The following PCDHA11 variants were observed in gnomAD, a reference collection of about 807,000 sequenced individuals.
PCDHA11 encodes protocadherin alpha 11.
In PCDHA11, 61 loss-of-function variants were observed where a neutral mutation model predicts 70.3. That is an observed-to-expected ratio of 0.87 (90% CI 0.71 to 1.07). The LOEUF (loss-of-function observed/expected upper bound fraction) is 1.07, where lower values mean the gene tolerates loss of function less well. PCDHA11 is among the 50% of genes least tolerant of loss of function. The pLI is 0.00. For missense variants in PCDHA11, 1,324 were observed against 1,237.5 expected (o/e 1.07, Z -1.05); for synonymous variants, 633 against 555.1 (o/e 1.14, Z -1.97).
intron 3 of PCDHA11, among the ~76,000 whole-genome samples, chr5:140,987,107 G>A (rs936936352): frequency 6.6e-6 from 1 of 151,876 alleles, no homozygotes; most frequent in Non-Finnish European, 1.5e-5. Flanking sequence ...CCAGCTACTC[G>A]GGAGGCTGAG....
rs782446287 is a variant in PCDHA11 at position 140,870,927 on chromosome 5, T to C, written c.1824T>C (p.Tyr608=). The change falls in exon 1 of 4, where the codon TAT becomes TAC. Residue 608 remains tyrosine, a synonymous_variant. Transcript: ENST00000398640. ...CAGGCTACAACGCGTGGCTTTCATA[T>C]GAATTGCAGCCGGCGGCGGGCGGCT... The part of the protein sequence containing the change: ...ADSGYNAWLS[Y]ELQPAAGGSR... The C allele has an allele frequency of 1.9e-6, 3 of 1,613,880 alleles. No homozygotes were observed. Among genetic ancestry groups the C allele is most frequent in the Non-Finnish European group, 2.5e-6 (3 of 1,179,886 alleles).
chr5:140,928,280 C>A, intron 1 of PCDHA11: 1 of 1,614,194 alleles, frequency 6.2e-7, no homozygotes, highest in Non-Finnish European at 8.5e-7. Context: ...CCTGGGGCCT[C>A]TCTAGGCCGA....
intron 1 of PCDHA11, among the ~76,000 whole-genome samples, chr5:140,943,364 C>T (rs1463652865): frequency 6.6e-6 from 1 of 150,620 alleles, no homozygotes; most frequent in Non-Finnish European, 1.5e-5. Context: ...GAAAGGAGAT[C>T]ATTAAAATAT....
chr5:140,968,741 A>T, intron 1 of PCDHA11: 1 of 1,614,106 alleles, frequency 6.2e-7, no homozygotes, highest in Non-Finnish European at 8.5e-7. Context: ...TTTCAACCTG[A>T]CCGTGGTGGT....
In PCDHA11 at chr5:140,946,774, T is replaced by G. The variant is rs57013515; in HGVS notation, c.2392-32175T>G. On this transcript the variant is annotated intron_variant, in intron 1 of 3. Coordinates refer to ENST00000398640, the MANE Select transcript of PCDHA11 (RefSeq NM_018902.5). ...TGCATGATCTCATTCATGTGGAATGTAAAAAAGCTGATCTTATAGAAGCAG... is the reference window on the plus strand; with the variant it reads ...TGCATGATCTCATTCATGTGGAATGGAAAAAAGCTGATCTTATAGAAGCAG... Among the ~76,000 whole-genome samples, 481 of 151,404 alleles carry G rather than the reference T, an allele frequency of 3.2e-3. 2 individuals are homozygous for G. Among genetic ancestry groups the G allele is most frequent in the African/African-American group, 0.011 (462 of 41,264 alleles).
At chr5:140,960,064 T>G (rs1352718360) in intron 1 of PCDHA11, among the ~76,000 whole-genome samples, 1 of 152,208 alleles carries the variant, frequency 6.6e-6, no homozygotes, top group Admixed American at 6.5e-5. Flanking sequence ...TACAGAAGAT[T>G]CAATTGAAGT....
chr5:140,919,558 TAA>T (rs879969388), intron 1 of PCDHA11, among the ~76,000 whole-genome samples: 1 of 152,210 alleles, frequency 6.6e-6, no homozygotes, highest in Non-Finnish European at 1.5e-5. Flanking sequence ...TGATTTATAT[TAA>T]GTGAATATTT....
chr5:140,869,485 G>A lies in PCDHA11; in HGVS notation c.382G>A (p.Asp128Asn). 6.2e-7 allele frequency: 1 copy of A among 1,614,158 alleles called. No individual in the cohort carries two copies. The highest frequency in any genetic ancestry group is 8.5e-7 in the Non-Finnish European group (1 of 1,180,032). ...GAACGTGGAGGTGAAGGACATTAAC[G>A]ACAACCCGCCGGTGTTCTCGCTCAG... The part of the protein sequence containing the change: ...HVNVEVKDIN[D>N]NPPVFSLREQ... The change falls in exon 1 of 4, where the codon GAC becomes AAC. Residue 128 changes from aspartate to asparagine, a missense_variant. Asp to Asn is a conservative substitution (Grantham distance 23, BLOSUM62 1). Coordinates refer to ENST00000398640, the MANE Select transcript of PCDHA11 (RefSeq NM_018902.5).
intron 1 of PCDHA11, among the ~76,000 whole-genome samples, chr5:140,965,125 C>A (rs571083058): frequency 6.6e-6 from 1 of 152,308 alleles, no homozygotes; most frequent in Non-Finnish European, 1.5e-5. Context: ...GGAAGATCTA[C>A]AGATGACAGA....
At chr5:140,937,614 C>A (rs561420642) in intron 1 of PCDHA11, among the ~76,000 whole-genome samples, 1 of 149,010 alleles carries the variant, frequency 6.7e-6, no homozygotes, top group Non-Finnish European at 1.5e-5. Flanking sequence ...GATACTCCAT[C>A]TAAAAAGAAA....
At chr5:140,884,550 G>C (rs781916237) in intron 1 of PCDHA11, 2 of 1,614,118 alleles carry the variant, frequency 1.2e-6, no homozygotes, top group Non-Finnish European at 1.7e-6. Flanking sequence ...GTGTGCTCTG[G>C]GGAGGGCCCG....
At chr5:140,953,254 C>A (rs1483553184) in intron 1 of PCDHA11, among the ~76,000 whole-genome samples, 3 of 152,098 alleles carry the variant, frequency 2.0e-5, no homozygotes, top group Non-Finnish European at 2.9e-5. Flanking sequence ...CAGTTTAGTT[C>A]TTTTAGCTTT....
At chr5:140,965,109 C>T (rs940351305) in intron 1 of PCDHA11, among the ~76,000 whole-genome samples, 3 of 152,168 alleles carry the variant, frequency 2.0e-5, no homozygotes, top group African/African-American at 7.2e-5. Context: ...GAAAATGACC[C>T]ATAGAGGAAG....
intron 1 of PCDHA11, among the ~76,000 whole-genome samples, chr5:140,977,388 T>C (rs1187960215): frequency 6.6e-6 from 1 of 152,248 alleles, no homozygotes; most frequent in East Asian, 1.9e-4. Flanking sequence ...TCCAGGTTTA[T>C]AAAATGATTT....
intron 1 of PCDHA11, among the ~76,000 whole-genome samples, chr5:140,961,393 G>C (rs1224822152): frequency 6.6e-6 from 1 of 152,104 alleles, no homozygotes; most frequent in African/African-American, 2.4e-5. Context: ...TATTCCATTA[G>C]TAAACACTTT....
Position 140,885,608 on chromosome 5 carries a change from A to T in PCDHA11, c.2391+14114A>T, listed in dbSNP as rs1163790004. Among the ~76,000 whole-genome samples the T allele has an allele frequency of 2.0e-5, 3 of 152,192 alleles. No homozygotes were observed. In the East Asian group the frequency reaches 5.8e-4, roughly 29 times the overall value. On this transcript the variant is annotated intron_variant, in intron 1 of 3. Coordinates refer to ENST00000398640, the MANE Select transcript of PCDHA11 (RefSeq NM_018902.5). ...TGCATCAAAGATATTAATAATTTTA[A>T]TTATAAAATATGTCACTGGATTGCC...
intron 1 of PCDHA11, among the ~76,000 whole-genome samples, chr5:140,890,293 A>G (rs1423277316): frequency 6.6e-6 from 1 of 152,196 alleles, no homozygotes; most frequent in African/African-American, 2.4e-5. Flanking sequence ...AGTCAGAACC[A>G]GGAGAGGTAA....
At position 140,948,398 on chromosome 5, in the gene PCDHA11, T is replaced by G. The variant is rs147325819; in HGVS notation, c.2392-30551T>G. 6.9e-3 allele frequency among the ~76,000 whole-genome samples: 1,051 copies of G among 151,748 alleles called. 6 individuals carry two copies. The highest frequency in any genetic ancestry group is 0.017 in the Middle Eastern group (5 of 294). Reference sequence around the variant, plus strand: ...CCTTCCTCTATTTTCTGAAAGGTTGTGTAATATTGGTGTTATTTCTTCCTT... The same window carrying G: ...CCTTCCTCTATTTTCTGAAAGGTTGGGTAATATTGGTGTTATTTCTTCCTT... On this transcript the variant is annotated intron_variant, in intron 1 of 3. Transcript: ENST00000398640.
chr5:140,927,720 G>T lies in PCDHA11; in HGVS notation c.2392-51229G>T. The T allele has an allele frequency of 3.1e-6, 5 of 1,614,174 alleles. No homozygotes were observed. The Middle Eastern group carries it at 4.9e-4, about 160-fold the overall frequency. On this transcript the variant is annotated intron_variant, in intron 1 of 3. Coordinates refer to ENST00000398640, the MANE Select transcript of PCDHA11 (RefSeq NM_018902.5). ...TCCAGTACTCCCTAAGCAACAGCACGCAAGCAGAGCTGCGACACCGCTTTC... is the reference window on the plus strand; with the variant it reads ...TCCAGTACTCCCTAAGCAACAGCACTCAAGCAGAGCTGCGACACCGCTTTC...
Sources: gnomAD v4.1 joint callset for allele counts (sites outside exome capture counted in the v4.1 genomes callset) on GRCh38, gnomAD v4.1.1 for gene constraint, MANE v1.5 for transcripts, NCBI Gene and HGNC (gene_info 2026-07-23, HGNC 2026-07-21) for gene names.